The following ERC2 variants were observed in gnomAD, a reference collection of about 807,000 sequenced individuals.
ERC2 encodes the protein ELKS/RAB6-interacting/CAST family member 2.
ERC2 carries 42 observed loss-of-function variants against 114.8 expected under a neutral mutation model. That is an observed-to-expected ratio of 0.37 (90% CI 0.29 to 0.47). The LOEUF (loss-of-function observed/expected upper bound fraction) is 0.47, where lower values mean the gene tolerates loss of function less well. Among genes scored for constraint, ERC2 ranks in the 20% least tolerant of loss-of-function variants. The pLI, the probability that ERC2 is intolerant of heterozygous loss-of-function variation, is 0.99. For missense variants in ERC2, 939 were observed against 1,150.7 expected (o/e 0.82, Z 2.66); for synonymous variants, 454 against 425.5 (o/e 1.07, Z -0.82).
intron 7 of ERC2, among the ~76,000 whole-genome samples, chr3:56,080,603 C>T (rs2077184433): frequency 6.6e-6 from 1 of 152,166 alleles, no homozygotes; most frequent in African/African-American, 2.4e-5. Context: ...ATTATCATCA[C>T]TATTTAGTTT....
chr3:55,700,043 C>T (rs1428217633), intron 15 of ERC2, among the ~76,000 whole-genome samples: 2 of 152,222 alleles, frequency 1.3e-5, no homozygotes, highest in Non-Finnish European at 2.9e-5. Flanking sequence ...ATGATGACTT[C>T]TTGGGAAATG....
rs747509125 is a variant in ERC2 at position 55,583,524 on chromosome 3, CCTTCCTTCCTTCCTTCCTTT to C, written c.*40-72268_*40-72249del. On this transcript the variant is annotated intron_variant, in intron 17 of 17. Transcript: ENST00000288221. The stretch of plus-strand genomic sequence containing the variant: ...CCCTCCCTCCCTCCCTCCCTCCCTC[CCTTCCTTCCTTCCTTCCTTT>C]CTTCCTTCCTTCCTTCCTTCCTTCC... 8.5e-4 allele frequency among the ~76,000 whole-genome samples: 43 copies of C among 50,354 alleles called. 2 individuals carry two copies. Among genetic ancestry groups the C allele is most frequent in the African/African-American group, 2.5e-3 (32 of 12,706 alleles). The allele number at this position is 50,354 out of a possible 152,430, so 33.0% of individuals were successfully genotyped here.
intron 17 of ERC2, among the ~76,000 whole-genome samples, chr3:55,550,840 C>G (rs1256943713): frequency 6.6e-6 from 1 of 152,030 alleles, no homozygotes; most frequent in East Asian, 1.9e-4. Flanking sequence ...CACGGTGAAA[C>G]CCCATCTCTA....
chr3:55,537,313 G>T (rs1251457668), intron 17 of ERC2, among the ~76,000 whole-genome samples: 1 of 152,212 alleles, frequency 6.6e-6, no homozygotes, highest in African/African-American at 2.4e-5. Flanking sequence ...CATAGAGGTG[G>T]AAGACGATGG....
intron 14 of ERC2, among the ~76,000 whole-genome samples, chr3:55,796,623 A>G (rs2070519812): frequency 6.6e-6 from 1 of 152,062 alleles, no homozygotes; most frequent in South Asian, 2.1e-4. Flanking sequence ...ATGGGGTTTC[A>G]CCATGTTGGC....
At chr3:55,826,855 T>C (rs1181528897) in intron 14 of ERC2, among the ~76,000 whole-genome samples, 2 of 152,338 alleles carry the variant, frequency 1.3e-5, no homozygotes, top group East Asian at 3.9e-4. Context: ...AATGGAAGAC[T>C]GGCGAGGCAC....
chr3:55,551,788 A>T (rs1377590612), intron 17 of ERC2, among the ~76,000 whole-genome samples: 1 of 152,200 alleles, frequency 6.6e-6, no homozygotes, highest in African/African-American at 2.4e-5. Context: ...GTCCAAAAAA[A>T]TATCCTCACA....
At chr3:56,281,001 C>G (rs144036119) in intron 3 of ERC2, among the ~76,000 whole-genome samples, 1 of 152,304 alleles carries the variant, frequency 6.6e-6, no homozygotes, top group African/African-American at 2.4e-5. Context: ...TAAGTAAGAA[C>G]AGCTTATACA....
chr3:56,023,767 A>AATGGAAGGAAGGAAGGAAGG (rs1553777492), intron 7 of ERC2, among the ~76,000 whole-genome samples: 7 of 49,628 alleles, frequency 1.4e-4, no homozygotes, highest in African/African-American at 3.0e-4. Flanking sequence ...ATGAATGAAA[A>AATGGAAGGAAGGAAGGAAGG]AAGGAATGAA....
intron 2 of ERC2, among the ~76,000 whole-genome samples, chr3:56,304,363 T>C (rs1172243986): frequency 2.6e-5 from 4 of 152,222 alleles, no homozygotes; most frequent in African/African-American, 4.8e-5. Context: ...GACAAACGAC[T>C]AGTCATATCT....
intron 14 of ERC2, among the ~76,000 whole-genome samples, chr3:55,791,244 T>G (rs2069990971): frequency 6.6e-6 from 1 of 152,106 alleles, no homozygotes; most frequent in Non-Finnish European, 1.5e-5. Flanking sequence ...GAGGCAGAGA[T>G]CTCTGTTTTG....
intron 17 of ERC2, among the ~76,000 whole-genome samples, chr3:55,595,362 G>T (rs1165181175): frequency 6.6e-6 from 1 of 152,198 alleles, no homozygotes; most frequent in African/African-American, 2.4e-5. Context: ...AATGGACTTT[G>T]CAGGACTATT....
chr3:55,883,543 CA>C (rs1259457732), intron 14 of ERC2, among the ~76,000 whole-genome samples: 1,455 of 120,120 alleles, frequency 0.012, 20 homozygotes, highest in African/African-American at 0.032. Context: ...TAAACATACA[CA>C]CACACACACA....
intron 3 of ERC2, among the ~76,000 whole-genome samples, chr3:56,276,896 G>A (rs936561732): frequency 9.2e-5 from 14 of 152,230 alleles, no homozygotes; most frequent in Middle Eastern, 6.8e-3. Flanking sequence ...AAATTTTGGG[G>A]GGCCACATTC....
At chr3:55,788,118 A>G (rs2069660690) in intron 14 of ERC2, among the ~76,000 whole-genome samples, 2 of 152,224 alleles carry the variant, frequency 1.3e-5, no homozygotes, top group Non-Finnish European at 2.9e-5. Flanking sequence ...AGTTAAACTC[A>G]TTCACCTTAA....
intron 3 of ERC2, among the ~76,000 whole-genome samples, chr3:56,265,422 C>T (rs2053227322): frequency 6.6e-6 from 1 of 152,054 alleles, no homozygotes; most frequent in Admixed American, 6.6e-5. Flanking sequence ...TGAAACTGCA[C>T]CCTTAACTTA....
At chr3:55,834,692 T>C (rs2060788847) in intron 14 of ERC2, among the ~76,000 whole-genome samples, 1 of 147,318 alleles carries the variant, frequency 6.8e-6, no homozygotes, top group African/African-American at 2.6e-5. Context: ...AACATCACAA[T>C]TAAAAGAACT....
intron 17 of ERC2, 128 bp downstream of exon 17, chr3:55,683,666 G>A (rs559842568): frequency 1.6e-5 from 12 of 751,640 alleles, no homozygotes; most frequent in South Asian, 5.9e-5. Context: ...GACATTCTGC[G>A]CTCACAGAAC....
chr3:55,962,830 A>G (rs1304700691), intron 12 of ERC2, among the ~76,000 whole-genome samples: 1 of 152,188 alleles, frequency 6.6e-6, no homozygotes, highest in African/African-American at 2.4e-5. Context: ...AGAATGTTGC[A>G]GAGTTCCTTC....
Sources: gnomAD v4.1 joint callset for allele counts (sites outside exome capture counted in the v4.1 genomes callset) on GRCh38, gnomAD v4.1.1 for gene constraint, MANE v1.5 for transcripts, NCBI Gene and HGNC (gene_info 2026-07-23, HGNC 2026-07-21) for gene names.